The following ZDHHC17 variants were observed in gnomAD, a reference collection of about 807,000 sequenced individuals.
ZDHHC17 encodes palmitoyltransferase ZDHHC17.
In ZDHHC17, 40 loss-of-function variants were observed where a neutral mutation model predicts 90.3. The ratio of observed to expected loss-of-function variants is 0.44; its 90% CI spans 0.34 to 0.58. The LOEUF (loss-of-function observed/expected upper bound fraction) is 0.58, where lower values mean the gene tolerates loss of function less well. ZDHHC17 is among the 20% of genes least tolerant of loss of function. The pLI is 0.01. For missense variants in ZDHHC17, 614 were observed against 780.8 expected (o/e 0.79, Z 2.55); for synonymous variants, 235 against 252.4 (o/e 0.93, Z 0.65).
intron 1 of ZDHHC17, among the ~76,000 whole-genome samples, chr12:76,783,107 C>A (rs1952645877): frequency 6.6e-6 from 1 of 152,120 alleles, no homozygotes; most frequent in Admixed American, 6.5e-5. Context: ...GAAAGTTAGT[C>A]CCCACAGGGT....
At chr12:76,814,812 A>G (rs923520094) in intron 5 of ZDHHC17, among the ~76,000 whole-genome samples, 6 of 152,008 alleles carry the variant, frequency 3.9e-5, no homozygotes, top group East Asian at 1.9e-4. Context: ...TCTCTTATGC[A>G]TTAGTATAAA....
At position 76,797,424 on chromosome 12, in the gene ZDHHC17, T is replaced by C; in HGVS notation, c.94-10T>C. 3 of 1,590,502 alleles carry C rather than the reference T, an allele frequency of 1.9e-6. No individual in the cohort carries two copies. Among genetic ancestry groups the C allele is most frequent in the Non-Finnish European group, 2.6e-6 (3 of 1,170,214 alleles). On this transcript the variant is annotated splice_polypyrimidine_tract_variant and intron_variant, in intron 1 of 16. Coordinates refer to ENST00000426126, the MANE Select transcript of ZDHHC17 (RefSeq NM_015336.4). ...CAATTCTTGCCTGTGTGTGATTTTC[T>C]TTTTAACAGGAAATCAAACCCCAAA...
intron 1 of ZDHHC17, among the ~76,000 whole-genome samples, chr12:76,780,301 C>A (rs543477031): frequency 6.6e-6 from 1 of 152,032 alleles, no homozygotes; most frequent in Non-Finnish European, 1.5e-5. Flanking sequence ...TCTTTGACTT[C>A]TTTTATTGGT....
chr12:76,817,008 G>A (rs181027007), intron 7 of ZDHHC17, among the ~76,000 whole-genome samples: 57 of 152,102 alleles, frequency 3.7e-4, no homozygotes, highest in Admixed American at 1.5e-3. Context: ...AAAGAAGAAA[G>A]TCAGCATATC....
At chr12:76,803,223 A>G (rs1264750092) in intron 2 of ZDHHC17, among the ~76,000 whole-genome samples, 1 of 152,174 alleles carries the variant, frequency 6.6e-6, no homozygotes, top group Admixed American at 6.5e-5. Flanking sequence ...ACTGCACTCC[A>G]GCCTCAGTGA....
intron 1 of ZDHHC17, among the ~76,000 whole-genome samples, chr12:76,794,272 A>T (rs1299099358): frequency 6.6e-6 from 1 of 152,104 alleles, no homozygotes; most frequent in Non-Finnish European, 1.5e-5. Context: ...TTTAGCTTAA[A>T]AATTATTATC....
intron 15 of ZDHHC17, 144 bp downstream of exon 15, chr12:76,848,534 A>G: frequency 1.0e-6 from 1 of 959,892 alleles, no homozygotes. Flanking sequence ...TTTCTACCTC[A>G]CTCTTTTGCC....
intron 1 of ZDHHC17, among the ~76,000 whole-genome samples, chr12:76,787,166 G>C (rs1356268767): frequency 6.8e-6 from 1 of 147,086 alleles, no homozygotes; most frequent in Non-Finnish European, 1.5e-5. Context: ...ATGTCACCAC[G>C]ACTTGAGTGT....
intron 1 of ZDHHC17, among the ~76,000 whole-genome samples, chr12:76,766,230 A>G (rs1273888386): frequency 6.6e-6 from 1 of 152,210 alleles, no homozygotes; most frequent in African/African-American, 2.4e-5. Context: ...GGGAATTGGC[A>G]TACATAATAT....
At position 76,852,668 on chromosome 12, in the gene ZDHHC17, C is replaced by T. The variant is rs1449649431; in HGVS notation, c.*1683C>T. ...TGTATATAGTTGATGTTCAGTATTT[C>T]CAAGTACCATTTTTATATAGTAGCT... On this transcript the variant is annotated 3_prime_UTR_variant, in exon 17 of 17. Transcript: ENST00000426126. 3 of 152,490 alleles carry T rather than the reference C, an allele frequency of 2.0e-5. No homozygotes were observed. The highest frequency in any genetic ancestry group is 4.4e-5 in the Non-Finnish European group (3 of 68,012). The allele number at this position is 152,490 out of a possible 1,614,324, so 9.4% of individuals were successfully genotyped here.
At chr12:76,813,540 A>T (rs1017275035) in intron 5 of ZDHHC17, 6 of 288,618 alleles carry the variant, frequency 2.1e-5, no homozygotes, top group African/African-American at 1.4e-4. Flanking sequence ...TGCTTAGATA[A>T]TGTTCACATT....
intron 10 of ZDHHC17, among the ~76,000 whole-genome samples, chr12:76,838,018 C>T (rs1381293560): frequency 1.3e-5 from 2 of 151,776 alleles, no homozygotes; most frequent in Non-Finnish European, 2.9e-5. Flanking sequence ...GTGTTTTTAT[C>T]CTCCTTGTGT....
intron 10 of ZDHHC17, among the ~76,000 whole-genome samples, chr12:76,834,232 T>G (rs151332290): frequency 6.6e-6 from 1 of 152,212 alleles, no homozygotes; most frequent in Admixed American, 6.5e-5. Flanking sequence ...CTGACTATGC[T>G]TCTTTTATTA....
chr12:76,766,468 T>C (rs1952432869), intron 1 of ZDHHC17, among the ~76,000 whole-genome samples: 1 of 152,228 alleles, frequency 6.6e-6, no homozygotes, highest in African/African-American at 2.4e-5. Flanking sequence ...ATAAAAATAA[T>C]AGTTAATAAG....
At chr12:76,801,121 C>T (rs535454560) in intron 2 of ZDHHC17, among the ~76,000 whole-genome samples, 3 of 150,886 alleles carry the variant, frequency 2.0e-5, no homozygotes, top group African/African-American at 4.8e-5. Flanking sequence ...CTCCTGACCT[C>T]GTGATCCACC....
chr12:76,840,700 CT>C lies in ZDHHC17; in HGVS notation c.1142-1281del, dbSNP rs1311993589. 7.9e-5 allele frequency among the ~76,000 whole-genome samples: 12 copies of C among 152,230 alleles called. No individual in the cohort carries two copies. The East Asian group carries it at 1.4e-3, about 17-fold the overall frequency. On this transcript the variant is annotated intron_variant, in intron 10 of 16. Coordinates refer to ENST00000426126, the MANE Select transcript of ZDHHC17 (RefSeq NM_015336.4). ...ATCTATTGCTAAAGCTAAATTCAGT[CT>C]ACCATTTGAAGATACCTAATTTCTT...
chr12:76,797,694 G>A (rs1952837150), intron 2 of ZDHHC17, among the ~76,000 whole-genome samples, 157 bp downstream of exon 2: 1 of 152,118 alleles, frequency 6.6e-6, no homozygotes. Context: ...TGTAATCTCA[G>A]TACTTTGCAA....
chr12:76,769,360 A>G (rs1233314054), intron 1 of ZDHHC17, among the ~76,000 whole-genome samples: 2 of 152,178 alleles, frequency 1.3e-5, no homozygotes, highest in African/African-American at 4.8e-5. Context: ...ATGCTCGGCC[A>G]TGAAGCTGTT....
At chr12:76,782,210 G>A (rs1156454437) in intron 1 of ZDHHC17, among the ~76,000 whole-genome samples, 2 of 152,214 alleles carry the variant, frequency 1.3e-5, no homozygotes, top group Non-Finnish European at 2.9e-5. Context: ...ATTTCTCTGA[G>A]AGATTGGGGG....
Sources: allele counts gnomAD v4.1 joint callset (sites outside exome capture counted in the v4.1 genomes callset), GRCh38; gene constraint gnomAD v4.1.1; transcripts MANE v1.5; gene names NCBI Gene and HGNC (gene_info 2026-07-23, HGNC 2026-07-21).